MBNL1: variants seen among roughly 807,000 people sequenced by gnomAD.
MBNL1 encodes the protein muscleblind like splicing regulator 1.
A neutral mutation model predicts 42.2 loss-of-function variants in MBNL1; 8 were observed. The ratio of observed to expected loss-of-function variants is 0.19; its 90% CI spans 0.11 to 0.34. The LOEUF (loss-of-function observed/expected upper bound fraction) is 0.34, where lower values mean the gene tolerates loss of function less well. Ranked by LOEUF, MBNL1 falls within the 10% of genes least tolerant of loss-of-function variation. The pLI is 1.00. For synonymous variants in MBNL1, 169 were observed against 173.9 expected, an observed-to-expected ratio of 0.97 and a Z score of 0.22; for missense variants, 309 against 495.3, an observed-to-expected ratio of 0.62 and a Z score of 3.57.
At chr3:152,442,214 A>G (rs1452227850) in intron 4 of MBNL1, among the ~76,000 whole-genome samples, 1 of 152,224 alleles carries the variant, frequency 6.6e-6, no homozygotes, top group African/African-American at 2.4e-5. Context: ...TATTACTTGT[A>G]ATATGGAAAT....
chr3:152,447,166 T>C (rs550871439), intron 5 of MBNL1, among the ~76,000 whole-genome samples: 2 of 152,178 alleles, frequency 1.3e-5, no homozygotes, highest in South Asian at 4.1e-4. Flanking sequence ...GACATTTGCA[T>C]GTCTAGGTAG....
chr3:152,258,363 T>C (rs2035740809), intron 2 of MBNL1, among the ~76,000 whole-genome samples: 1 of 152,122 alleles, frequency 6.6e-6, no homozygotes, highest in African/African-American at 2.4e-5. Flanking sequence ...TAGGAAAAAA[T>C]TGTCCAAAAT....
At chr3:152,370,563 CTG>C (rs1419803107) in intron 2 of MBNL1, among the ~76,000 whole-genome samples, 1 of 152,138 alleles carries the variant, frequency 6.6e-6, no homozygotes, top group Non-Finnish European at 1.5e-5. Flanking sequence ...TGTTAATTTT[CTG>C]TCTCGTTGAT....
intron 2 of MBNL1, among the ~76,000 whole-genome samples, chr3:152,247,054 T>C (rs2033221407): frequency 6.6e-6 from 1 of 152,146 alleles, no homozygotes; most frequent in South Asian, 2.1e-4. Flanking sequence ...AAAAGAACAT[T>C]GAAAGATTTA....
chr3:152,408,766 C>G (rs1421496149), intron 2 of MBNL1, among the ~76,000 whole-genome samples: 1 of 151,974 alleles, frequency 6.6e-6, no homozygotes, highest in East Asian at 1.9e-4. Context: ...GTCCTCCCTC[C>G]TCCCCGCCAA....
intron 2 of MBNL1, among the ~76,000 whole-genome samples, chr3:152,324,138 C>G (rs2078072041): frequency 6.6e-6 from 1 of 152,160 alleles, no homozygotes; most frequent in Non-Finnish European, 1.5e-5. Flanking sequence ...TTACTAATCA[C>G]AGTTCATTAA....
chr3:152,291,794 T>C (rs928623208), intron 1 of MBNL1, among the ~76,000 whole-genome samples: 1 of 152,184 alleles, frequency 6.6e-6, no homozygotes, highest in African/African-American at 2.4e-5. Flanking sequence ...GTTTTGTTTT[T>C]TAGACGAGGT....
chr3:152,276,355 A>G lies in MBNL1; in HGVS notation c.-790+7263A>G, dbSNP rs187546720. On this transcript the variant is annotated intron_variant, in intron 1 of 9. Coordinates refer to ENST00000324210, the MANE Select transcript of MBNL1 (RefSeq NM_021038.5). Reference sequence around the variant, plus strand: ...GGTACTGTTAATATTCTGATTTTACAGATAGGGGAACTGAAGCACAGACAA... The same window carrying G: ...GGTACTGTTAATATTCTGATTTTACGGATAGGGGAACTGAAGCACAGACAA... Among the ~76,000 whole-genome samples the G allele has an allele frequency of 3.3e-5, 5 of 152,326 alleles. No individual in the cohort carries two copies. In the East Asian group the frequency reaches 9.6e-4, roughly 29 times the overall value.
upstream of MBNL1, chr3:152,264,127 T>G (rs1425877910): frequency 2.0e-5 from 3 of 152,262 alleles, no homozygotes; most frequent in Non-Finnish European, 4.4e-5. Flanking sequence ...TTACCTCATA[T>G]GTTTATCTTT....
At chr3:152,245,655 A>G (rs1280309660) in intron 2 of MBNL1, among the ~76,000 whole-genome samples, 3 of 152,154 alleles carry the variant, frequency 2.0e-5, no homozygotes, top group Non-Finnish European at 1.5e-5. Context: ...TGGTGCTGTT[A>G]TTACTGGTTC....
At chr3:152,337,046 T>C (rs148136232) in intron 2 of MBNL1, among the ~76,000 whole-genome samples, 24 of 152,308 alleles carry the variant, frequency 1.6e-4, no homozygotes, top group African/African-American at 5.1e-4. Flanking sequence ...ATTTCATACA[T>C]ATTAGGAATT....
At chr3:152,386,193 A>G (rs1560393747) in intron 2 of MBNL1, among the ~76,000 whole-genome samples, 2 of 152,084 alleles carry the variant, frequency 1.3e-5, no homozygotes, top group Admixed American at 6.6e-5. Flanking sequence ...GAAGTGATAT[A>G]TTAGTCAAAT....
chr3:152,285,144 A>C (rs1214298845), intron 1 of MBNL1, among the ~76,000 whole-genome samples: 1 of 152,138 alleles, frequency 6.6e-6, no homozygotes, highest in African/African-American at 2.4e-5. Context: ...TCCTTCACTT[A>C]CACACACCTC....
intron 2 of MBNL1, among the ~76,000 whole-genome samples, chr3:152,311,002 T>A (rs1260310453): frequency 6.7e-5 from 4 of 59,682 alleles, no homozygotes; most frequent in African/African-American, 2.9e-4. Context: ...ACCATGAGAC[T>A]TTTTTTTTTT....
At chr3:152,328,205 G>A (rs2081670396) in intron 2 of MBNL1, among the ~76,000 whole-genome samples, 1 of 152,078 alleles carries the variant, frequency 6.6e-6, no homozygotes, top group Admixed American at 6.6e-5. Flanking sequence ...AGTTTCTAAA[G>A]GCTTGTGAAC....
At chr3:152,287,488 G>C (rs185264815) in intron 1 of MBNL1, among the ~76,000 whole-genome samples, 28 of 152,230 alleles carry the variant, frequency 1.8e-4, no homozygotes, top group Non-Finnish European at 2.9e-4. Flanking sequence ...TAATATTTTA[G>C]CCTTGATTGA....
At chr3:152,316,129 G>A (rs2071197342) in intron 2 of MBNL1, among the ~76,000 whole-genome samples, 1 of 152,108 alleles carries the variant, frequency 6.6e-6, no homozygotes, top group African/African-American at 2.4e-5. Context: ...TACCTTTCAG[G>A]GCTTTTGATC....
intron 9 of MBNL1, among the ~76,000 whole-genome samples, chr3:152,460,623 C>A (rs11919982): frequency 0.074 from 9,992 of 135,894 alleles, 448 homozygotes; most frequent in Middle Eastern, 0.16. Context: ...AAAAAAAAAA[C>A]AAAAAAAAAA....
chr3:152,302,467 G>C (rs1345359987), intron 2 of MBNL1: 1 of 151,970 alleles, frequency 6.6e-6, no homozygotes, highest in Non-Finnish European at 1.5e-5. Context: ...ATGTAATTAA[G>C]CATTTATGTT....
Sources: gnomAD v4.1 joint callset for allele counts (sites outside exome capture counted in the v4.1 genomes callset) on GRCh38, gnomAD v4.1.1 for gene constraint, MANE v1.5 for transcripts, NCBI Gene and HGNC (gene_info 2026-07-23, HGNC 2026-07-21) for gene names.